The following GPR137B variants were observed in gnomAD, a reference collection of about 807,000 sequenced individuals.
GPR137B encodes the protein G protein-coupled receptor 137B.
GPR137B carries 42 observed loss-of-function variants against 42.5 expected under a neutral mutation model. The ratio of observed to expected loss-of-function variants is 0.99; its 90% CI spans 0.77 to 1.28. The LOEUF is 1.28. Ranked by LOEUF, GPR137B falls within the 50% of genes most tolerant of loss-of-function variation. GPR137B has a pLI of 0.00. For synonymous variants in GPR137B, 218 were observed against 209.7 expected, an observed-to-expected ratio of 1.04 and a Z score of -0.34; for missense variants, 487 against 493.9, an observed-to-expected ratio of 0.99 and a Z score of 0.13.
rs1661562346 is a variant in GPR137B at position 236,142,815 on chromosome 1, T to C, written c.193T>C (p.Trp65Arg). ...LLFVFIYVQL[W>R]LVLRYRHKRL... ...CTTCGTGTTCATCTACGTGCAGCTC[T>C]GGCTGGTGCTGCGTTACCGCCACAA... Residue 65 changes from tryptophan to arginine, a missense_variant, in exon 1 of 7, where the codon TGG becomes CGG. Trp to Arg is a moderately radical substitution (Grantham distance 101). Coordinates refer to ENST00000366592, the MANE Select transcript of GPR137B (RefSeq NM_003272.4). 1 of 1,613,928 alleles carries C rather than the reference T, an allele frequency of 6.2e-7. No homozygotes were observed. The highest frequency in any genetic ancestry group is 1.6e-4 in the Middle Eastern group (1 of 6,062).
Position 236,142,622 on chromosome 1 carries a change from G to C in GPR137B, c.-1G>C. On this transcript the variant is annotated 5_prime_UTR_variant, in exon 1 of 7. Coordinates refer to ENST00000366592, the MANE Select transcript of GPR137B (RefSeq NM_003272.4). ...GGGGGCGGCGGCGGCCGTGAGCCCC[G>C]ATGAGGCCCGAGCGTCCCCGGCCGC... 1.4e-6 allele frequency: 2 copies of C among 1,413,402 alleles called. No homozygotes were observed. The highest frequency in any genetic ancestry group is 1.8e-6 in the Non-Finnish European group (2 of 1,092,546). The allele number at this position is 1,413,402 out of a possible 1,614,324, so 87.6% of individuals were successfully genotyped here.
chr1:236,179,024 C>G (rs1020876099), intron 3 of GPR137B, among the ~76,000 whole-genome samples: 2 of 151,626 alleles, frequency 1.3e-5, no homozygotes, highest in African/African-American at 4.8e-5. Context: ...GTCTCAATCT[C>G]CTGACCTTGT....
At chr1:236,145,280 A>G (rs961915359) in intron 1 of GPR137B, among the ~76,000 whole-genome samples, 5 of 152,154 alleles carry the variant, frequency 3.3e-5, no homozygotes, top group African/African-American at 1.2e-4. Context: ...TTTCTCTTAC[A>G]CAAACCATTG....
At chr1:236,192,834 T>G (rs1424996876) in intron 5 of GPR137B, among the ~76,000 whole-genome samples, 1 of 152,164 alleles carries the variant, frequency 6.6e-6, no homozygotes, top group African/African-American at 2.4e-5. Context: ...ATCACTGGTT[T>G]TAAGGAATTT....
chr1:236,147,082 T>C (rs1318982560), intron 1 of GPR137B, among the ~76,000 whole-genome samples: 1 of 152,210 alleles, frequency 6.6e-6, no homozygotes, highest in Non-Finnish European at 1.5e-5. Context: ...GTGCTGGGAT[T>C]GCAGGCGTGA....
chr1:236,188,040 C>G (rs903452289), intron 5 of GPR137B, among the ~76,000 whole-genome samples: 2 of 152,116 alleles, frequency 1.3e-5, no homozygotes, highest in African/African-American at 4.8e-5. Context: ...TGGAGAGGTC[C>G]TTCATATCCC....
chr1:236,143,388 C>T (rs890707913), intron 1 of GPR137B, among the ~76,000 whole-genome samples: 1 of 152,246 alleles, frequency 6.6e-6, no homozygotes, highest in Admixed American at 6.5e-5. Flanking sequence ...GGAAGGTGTG[C>T]CCCCAAGGGA....
At chr1:236,165,634 A>G (rs1662328423) in intron 1 of GPR137B, among the ~76,000 whole-genome samples, 1 of 152,240 alleles carries the variant, frequency 6.6e-6, no homozygotes, top group Non-Finnish European at 1.5e-5. Context: ...ACTTGGTTCC[A>G]TAGCGCAGTG....
rs34520510 is a variant in GPR137B at position 236,190,148 on chromosome 1, C to CTTT, written c.966+6259_966+6261dup. ...ATTAGGACTGCAACTCCTGCTTCTT[C>CTTT]TTTTTTTTTTTTTTTTTTTGCTTTC... On this transcript the variant is annotated intron_variant, in intron 5 of 6. Transcript: ENST00000366592. 6.9e-3 allele frequency among the ~76,000 whole-genome samples: 826 copies of CTTT among 118,994 alleles called. 9 individuals carry two copies. The highest frequency in any genetic ancestry group is 0.019 in the African/African-American group (584 of 31,376). The allele number at this position is 118,994 out of a possible 152,430, so 78.1% of individuals were successfully genotyped here. A position where few individuals can be genotyped will look rare whatever the true frequency, so the allele number is the denominator to read the frequency against.
intron 4 of GPR137B, 85 bp downstream of exon 4, chr1:236,180,113 CA>C (rs1206822306): frequency 3.7e-6 from 4 of 1,083,518 alleles, no homozygotes; most frequent in Non-Finnish European, 4.3e-6. Context: ...CAGAAAATAC[CA>C]AAATCTGGAT....
rs1558490529 is a variant in GPR137B, at chr1:236,183,851, T to TA, written c.912dup (p.Pro305ThrfsTer12). Reference sequence around the variant, plus strand: ...GTGGTGTTATTTGTTTGGGAACTCTTACCTACCACCTTAGTCGTTTATTTC... The same window carrying TA: ...GTGGTGTTATTTGTTTGGGAACTCTTAACCTACCACCTTAGTCGTTTATTTC... On this transcript the variant is annotated frameshift_variant, in exon 5 of 7. Transcript: ENST00000366592. LOFTEE classifies it high-confidence loss of function. The TA allele has an allele frequency of 1.2e-6, 2 of 1,605,776 alleles. No individual in the cohort carries two copies. The highest frequency in any genetic ancestry group is 1.7e-6 in the Non-Finnish European group (2 of 1,172,540).
At position 236,206,546 on chromosome 1, in the gene GPR137B, G is replaced by A. The variant is rs565644801; in HGVS notation, c.1091+1296G>A. On this transcript the variant is annotated intron_variant, in intron 6 of 6. Coordinates refer to ENST00000366592, the MANE Select transcript of GPR137B (RefSeq NM_003272.4). Reference sequence around the variant, plus strand: ...GAGAGTTCAAAGCAGCATACATAGAGGGTGTAAGACAATACATGAACTACC... The same window carrying A: ...GAGAGTTCAAAGCAGCATACATAGAAGGTGTAAGACAATACATGAACTACC... Among the ~76,000 whole-genome samples the A allele has an allele frequency of 3.3e-5, 5 of 152,314 alleles. No homozygotes were observed. The South Asian group carries it at 1.0e-3, about 32-fold the overall frequency.
intron 1 of GPR137B, among the ~76,000 whole-genome samples, chr1:236,160,674 C>T (rs1356148102): frequency 6.6e-6 from 1 of 152,194 alleles, no homozygotes; most frequent in Non-Finnish European, 1.5e-5. Context: ...CTCACTGCTC[C>T]CACTTCCTCC....
chr1:236,166,707 G>A (rs909574243), intron 1 of GPR137B, among the ~76,000 whole-genome samples: 8 of 151,940 alleles, frequency 5.3e-5, no homozygotes, highest in African/African-American at 1.7e-4. Flanking sequence ...AGGAATGGCC[G>A]GGCACAGTGG....
rs535219126 is a variant in GPR137B at position 236,180,127 on chromosome 1, T to C, written c.837+99T>C. On this transcript the variant is annotated intron_variant, in intron 4 of 6. Coordinates refer to ENST00000366592, the MANE Select transcript of GPR137B (RefSeq NM_003272.4). ...CCAGAAAATACCAAAATCTGGATGC[T>C]CAAGTCCCTGATATAAAATGGTGTA... 9.1e-5 allele frequency: 81 copies of C among 893,990 alleles called. 1 individual carries two copies. In the East Asian group the frequency reaches 1.7e-3, roughly 18 times the overall value. The allele number at this position is 893,990 out of a possible 1,614,324, so 55.4% of individuals were successfully genotyped here. A position where few individuals can be genotyped will look rare whatever the true frequency, so the allele number is the denominator to read the frequency against.
chr1:236,165,317 A>C (rs1204938576), intron 1 of GPR137B, among the ~76,000 whole-genome samples: 1 of 152,232 alleles, frequency 6.6e-6, no homozygotes, highest in Non-Finnish European at 1.5e-5. Context: ...GGGAGGATGA[A>C]AATGACTGAT....
intron 5 of GPR137B, among the ~76,000 whole-genome samples, chr1:236,194,232 AT>A (rs34745197): frequency 0.37 from 55,664 of 151,922 alleles, 11,423 homozygotes; most frequent in East Asian, 0.62. Flanking sequence ...CCTCATCATA[AT>A]TTTGAGAAGC....
rs144744384 is a variant in GPR137B, at chr1:236,180,217, A to G, written c.837+189A>G. On this transcript the variant is annotated intron_variant, in intron 4 of 6. Coordinates refer to ENST00000366592, the MANE Select transcript of GPR137B (RefSeq NM_003272.4). ...TAAATTAATCTCTAGATGATTTACA[A>G]TACCAAATACAACACAAATGCTATG... is the stretch of plus-strand genomic sequence containing the variant. The G allele has an allele frequency of 2.3e-3, 1,309 of 560,846 alleles. 10 individuals are homozygous for G. The highest frequency in any genetic ancestry group is 5.9e-3 in the South Asian group (237 of 39,862). 34.7% of individuals were successfully genotyped at this position (560,846 alleles called of 1,614,324 possible). A position where few individuals can be genotyped will look rare whatever the true frequency, so the allele number is the denominator to read the frequency against.
In GPR137B at chr1:236,178,635, A is replaced by G; in HGVS notation, c.686A>G (p.Lys229Arg). The G allele has an allele frequency of 1.3e-6, 2 of 1,578,842 alleles. No homozygotes were observed. Among genetic ancestry groups the G allele is most frequent in the Admixed American group, 1.7e-5 (1 of 59,956 alleles). ...MSLANIYLES[K>R]GSSVCQVTAI... ...TTAGCCAACATTTACTTGGAGTCCA[A>G]GGTAGGTGGAAATGTGGTCAAGATC... Residue 229 changes from lysine to arginine, a missense_variant and splice_region_variant, in exon 3 of 7, where the codon AAG becomes AGG. Lys to Arg is a conservative substitution (Grantham distance 26). Transcript: ENST00000366592.
Sources: gnomAD v4.1 joint callset for allele counts (sites outside exome capture counted in the v4.1 genomes callset) on GRCh38, gnomAD v4.1.1 for gene constraint, MANE v1.5 for transcripts, NCBI Gene and HGNC (gene_info 2026-07-23, HGNC 2026-07-21) for gene names.